ESR1: variants seen among roughly 807,000 people sequenced by gnomAD.
The protein encoded by ESR1 is estrogen receptor.
Under a neutral mutation model 52.7 loss-of-function variants are expected in ESR1, and 12 were observed. The observed-to-expected ratio is 0.23, with a 90% confidence interval of 0.15 to 0.37. The LOEUF (loss-of-function observed/expected upper bound fraction) is 0.37. Among genes scored for constraint, ESR1 ranks in the 10% least tolerant of loss-of-function variants. The pLI is 1.00. For synonymous variants in ESR1, 305 were observed against 316.8 expected (o/e 0.96, Z 0.39); for missense variants, 584 against 779.7 (o/e 0.75, Z 2.99).
intron 5 of ESR1, among the ~76,000 whole-genome samples, chr6:152,056,808 G>T (rs762672364): frequency 2.0e-5 from 3 of 152,154 alleles, no homozygotes; most frequent in Non-Finnish European, 2.9e-5. Context: ...GTCATAGGCT[G>T]GTCTGCTTGA....
chr6:151,749,943 C>T (rs994315497), intron 2 of ESR1, among the ~76,000 whole-genome samples: 3 of 152,132 alleles, frequency 2.0e-5, no homozygotes, highest in African/African-American at 7.2e-5. Flanking sequence ...TTTCAACACT[C>T]AGCTAATAAA....
At chr6:151,809,031 C>T (rs1363945501) in intron 1 of ESR1, 1 of 266,894 alleles carries the variant, frequency 3.7e-6, no homozygotes, top group East Asian at 1.4e-4. Flanking sequence ...GAGCGGATTG[C>T]TGGCATGTGA....
intron 2 of ESR1, among the ~76,000 whole-genome samples, chr6:151,853,576 A>G (rs1787283754): frequency 6.6e-6 from 1 of 152,190 alleles, no homozygotes; most frequent in Non-Finnish European, 1.5e-5. Flanking sequence ...GCCTCTGACA[A>G]ATAAAATCAG....
chr6:152,018,838 G>GA (rs113074966), intron 5 of ESR1, among the ~76,000 whole-genome samples: 44,153 of 147,234 alleles, frequency 0.3, 7,509 homozygotes, highest in African/African-American at 0.49. Flanking sequence ...AGTAAAAAAA[G>GA]AAAAAAAAAA....
intron 7 of ESR1, among the ~76,000 whole-genome samples, chr6:152,097,373 G>A (rs925246331): frequency 6.6e-6 from 1 of 151,718 alleles, no homozygotes; most frequent in Non-Finnish European, 1.5e-5. Context: ...AGATCCAGGG[G>A]GCATTTAACT....
chr6:152,112,943 A>T (rs1027079212), intron 6 of ESR1: 1 of 152,310 alleles, frequency 6.6e-6, no homozygotes, highest in African/African-American at 2.4e-5. Flanking sequence ...TTCTTCATGG[A>T]TGGATGTCAC....
chr6:151,774,075 A>G (rs1785748364), intron 2 of ESR1, among the ~76,000 whole-genome samples: 2 of 152,192 alleles, frequency 1.3e-5, no homozygotes, highest in Admixed American at 6.5e-5. Flanking sequence ...AAACAGGGCT[A>G]TTGTATGGCA....
intron 5 of ESR1, among the ~76,000 whole-genome samples, chr6:152,029,923 T>C (rs2044523787): frequency 6.6e-6 from 1 of 152,146 alleles, no homozygotes; most frequent in African/African-American, 2.4e-5. Flanking sequence ...GGGAAGCCCA[T>C]CAGACTAACA....
chr6:151,727,637 G>A (rs1009075851), intron 2 of ESR1, among the ~76,000 whole-genome samples: 16 of 152,040 alleles, frequency 1.1e-4, no homozygotes, highest in East Asian at 1.9e-4. Context: ...CAACTGATAC[G>A]GTTTGTCTAT....
rs117984327 is a variant in ESR1, at chr6:151,984,677, A to T, written c.1097-26979A>T. Among the ~76,000 whole-genome samples, 785 of 152,248 alleles carry T rather than the reference A, an allele frequency of 5.2e-3. 8 individuals are homozygous for T. Among genetic ancestry groups the T allele is most frequent in the Non-Finnish European group, 7.7e-3 (522 of 68,032 alleles). On this transcript the variant is annotated intron_variant, in intron 4 of 7. Coordinates refer to ENST00000206249, the MANE Select transcript of ESR1 (RefSeq NM_000125.4). ...CACTGTTTTTTCATCTGTGTTAGAA[A>T]TGTCTTTCTTTCTTGAATAAGCTGC...
intron 4 of ESR1, among the ~76,000 whole-genome samples, chr6:151,974,486 G>C (rs1172261894): frequency 2.0e-5 from 3 of 152,102 alleles, no homozygotes; most frequent in African/African-American, 7.2e-5. Context: ...TAGTGATATT[G>C]ACCTGAGAGG....
At chr6:152,028,724 C>A (rs11968947) in intron 5 of ESR1, among the ~76,000 whole-genome samples, 16,152 of 152,194 alleles carry the variant, frequency 0.11, 1,981 homozygotes, top group African/African-American at 0.3. Flanking sequence ...GGGGGCAGGG[C>A]ATAGCCAAAC....
At chr6:151,969,219 C>T (rs2038639102) in intron 4 of ESR1, among the ~76,000 whole-genome samples, 1 of 152,210 alleles carries the variant, frequency 6.6e-6, no homozygotes, top group Admixed American at 6.5e-5. Context: ...GCCAATCCAT[C>T]CCATCTGTTT....
chr6:152,124,174 C>T (rs538617726), intron 6 of ESR1, among the ~76,000 whole-genome samples: 5 of 152,242 alleles, frequency 3.3e-5, no homozygotes, highest in South Asian at 4.2e-4. Context: ...GGCCTGGTGG[C>T]GTGTGCCTGT....
At chr6:151,803,261 A>G (rs1444615678), upstream of ESR1, among the ~76,000 whole-genome samples, 3 of 152,212 alleles carry the variant, frequency 2.0e-5, no homozygotes, top group African/African-American at 7.2e-5. Flanking sequence ...TGATAAATGC[A>G]TGATAACTAC....
At chr6:151,933,602 AGCTC>A (rs1290958391) in intron 3 of ESR1, among the ~76,000 whole-genome samples, 3 of 152,096 alleles carry the variant, frequency 2.0e-5, no homozygotes, top group Non-Finnish European at 4.4e-5. Flanking sequence ...TGTCATAGAT[AGCTC>A]TTATTATTTT....
Position 151,807,777 on chromosome 6 carries a change from A to G in ESR1, c.-136A>G, listed in dbSNP as rs1778120909. 2.3e-6 allele frequency: 2 copies of G among 868,354 alleles called. No individual in the cohort carries two copies. The highest frequency in any genetic ancestry group is 5.3e-5 in the East Asian group (2 of 37,866). 53.8% of individuals were successfully genotyped at this position (868,354 alleles called of 1,614,324 possible). On this transcript the variant is annotated 5_prime_UTR_variant, in exon 1 of 8. Coordinates refer to ENST00000206249, the MANE Select transcript of ESR1 (RefSeq NM_000125.4). ...AGGCTCCCGGGGCAGGGCCGGGGCC[A>G]GAGCTCGCGTGTCGGCGGGACATGC...
intron 3 of ESR1, among the ~76,000 whole-genome samples, chr6:151,919,211 T>C (rs1045410315): frequency 1.3e-5 from 2 of 152,222 alleles, no homozygotes; most frequent in Non-Finnish European, 2.9e-5. Context: ...CAATTTGCAA[T>C]TGAATGGTCT....
intron 3 of ESR1, among the ~76,000 whole-genome samples, chr6:151,911,934 A>G (rs1053245028): frequency 2.6e-5 from 4 of 152,210 alleles, no homozygotes; most frequent in African/African-American, 9.6e-5. Flanking sequence ...AATCTACTGC[A>G]CGGTCCGGTA....
Sources: allele counts gnomAD v4.1 joint callset (sites outside exome capture counted in the v4.1 genomes callset), GRCh38; gene constraint gnomAD v4.1.1; transcripts MANE v1.5; gene names NCBI Gene and HGNC (gene_info 2026-07-23, HGNC 2026-07-21).